Variants in TENM2 observed in about 807,000 individuals in gnomAD.
The protein encoded by TENM2 is teneurin-2.
In TENM2, 52 loss-of-function variants were observed where a neutral mutation model predicts 245.2. That is an observed-to-expected ratio of 0.21 (90% CI 0.17 to 0.27). The LOEUF (loss-of-function observed/expected upper bound fraction) is 0.27. Among genes scored for constraint, TENM2 ranks in the 10% least tolerant of loss-of-function variants. The pLI, the probability that TENM2 is intolerant of heterozygous loss-of-function variation, is 1.00. For synonymous variants in TENM2, 1,363 were observed against 1,438.9 expected (o/e 0.95, Z 1.19); for missense variants, 3,046 against 3,666.8 (o/e 0.83, Z 4.37).
At chr5:167,149,412 C>T in the TENM2 span, among the ~76,000 whole-genome samples, 1 of 151,976 alleles carries the variant, frequency 6.6e-6, no homozygotes, top group African/African-American at 2.4e-5. Flanking sequence ...GAGTGTGCCT[C>T]TACATAATAT....
chr5:167,775,057 C>T (rs2150790093), intron 2 of TENM2, among the ~76,000 whole-genome samples: 1 of 152,260 alleles, frequency 6.6e-6, no homozygotes, highest in East Asian at 1.9e-4. Context: ...GCAACCTCCA[C>T]CTCCCGAGTT....
intron 4 of TENM2, among the ~76,000 whole-genome samples, chr5:167,987,400 T>A (rs1333825662): frequency 1.3e-5 from 2 of 151,778 alleles, no homozygotes; most frequent in African/African-American, 4.8e-5. Flanking sequence ...CGGTCTCAGC[T>A]CACTGCAACC....
the TENM2 span, among the ~76,000 whole-genome samples, chr5:167,048,674 TTACTC>T: frequency 2.6e-5 from 4 of 152,202 alleles, no homozygotes; most frequent in Non-Finnish European, 5.9e-5. Flanking sequence ...CCACATCTCA[TTACTC>T]TACACAATGA....
intron 7 of TENM2, among the ~76,000 whole-genome samples, chr5:168,070,793 A>AAGAAAGAG (rs984424407): frequency 4.5e-5 from 4 of 89,416 alleles, no homozygotes; most frequent in African/African-American, 1.7e-4. Flanking sequence ...GAAAGAAAGA[A>AAGAAAGAG]AGAGAGAGAG....
At chr5:167,715,141 T>C (rs1383231166) in intron 2 of TENM2, among the ~76,000 whole-genome samples, 1 of 151,980 alleles carries the variant, frequency 6.6e-6, no homozygotes, top group Non-Finnish European at 1.5e-5. Flanking sequence ...TAAATTAGTA[T>C]TATGGCTTAT....
intron 5 of TENM2, among the ~76,000 whole-genome samples, chr5:168,011,346 G>T (rs921220856): frequency 6.6e-6 from 1 of 152,076 alleles, no homozygotes; most frequent in Non-Finnish European, 1.5e-5. Context: ...ACATTTATTT[G>T]GCAGTGTCTG....
chr5:167,245,720 C>G, the TENM2 span, among the ~76,000 whole-genome samples: 1 of 152,058 alleles, frequency 6.6e-6, no homozygotes, highest in South Asian at 2.1e-4. Context: ...TATTTCCTGG[C>G]AGGGAAAGTA....
intron 8 of TENM2, 76 bp downstream of exon 10, chr5:168,090,845 A>G (rs944053790): frequency 9.1e-5 from 120 of 1,323,380 alleles, no homozygotes; most frequent in Non-Finnish European, 1.2e-4. Flanking sequence ...CAGAAGACAC[A>G]TCTTCTAAGG....
At chr5:167,151,542 C>T in the TENM2 span, among the ~76,000 whole-genome samples, 10 of 152,124 alleles carry the variant, frequency 6.6e-5, no homozygotes, top group Non-Finnish European at 1.2e-4. Context: ...CTTTTTTAGA[C>T]GGAGTCTTTC....
At chr5:167,725,965 T>A (rs1433654254) in intron 2 of TENM2, among the ~76,000 whole-genome samples, 1 of 152,060 alleles carries the variant, frequency 6.6e-6, no homozygotes, top group African/African-American at 2.4e-5. Flanking sequence ...CCCCCACATG[T>A]CTAGTTATTA....
the TENM2 span, among the ~76,000 whole-genome samples, chr5:167,071,182 A>C: frequency 6.6e-6 from 1 of 152,178 alleles, no homozygotes; most frequent in Non-Finnish European, 1.5e-5. Context: ...AAAAAATTCA[A>C]CCCATTGGTG....
intron 27 of TENM2, among the ~76,000 whole-genome samples, chr5:168,250,104 GTGGATGGATGGATGGATGGA>G (rs57452450): frequency 0.1 from 13,985 of 137,804 alleles, 788 homozygotes; most frequent in South Asian, 0.17. Flanking sequence ...GGCTGGATGA[GTGGATGGATGGATGGATGGA>G]TGGATGGATG....
chr5:167,813,874 C>T (rs1377836544), intron 2 of TENM2, among the ~76,000 whole-genome samples: 1 of 152,132 alleles, frequency 6.6e-6, no homozygotes, highest in East Asian at 1.9e-4. Flanking sequence ...TATTACAATG[C>T]AGGAAGGCAA....
chr5:167,621,658 A>G (rs994667212), intron 2 of TENM2, among the ~76,000 whole-genome samples: 1 of 152,178 alleles, frequency 6.6e-6, no homozygotes, highest in Non-Finnish European at 1.5e-5. Context: ...TGAGCTCAGG[A>G]AGACACTACC....
intron 5 of TENM2, among the ~76,000 whole-genome samples, chr5:168,017,711 C>T (rs1213088291): frequency 1.3e-5 from 2 of 152,194 alleles, no homozygotes; most frequent in African/African-American, 2.4e-5. Context: ...CAATGTGGGT[C>T]ACCTTCCTGA....
At chr5:168,195,551 CGTGTGT>C (rs35040257) in intron 15 of TENM2, among the ~76,000 whole-genome samples, 18,659 of 97,464 alleles carry the variant, frequency 0.19, 1,764 homozygotes, top group Admixed American at 0.26. Context: ...GGTCAATGCA[CGTGTGT>C]GTGTGTGTGT....
intron 7 of TENM2, among the ~76,000 whole-genome samples, chr5:168,064,829 G>A (rs1261496431): frequency 2.6e-5 from 4 of 152,122 alleles, no homozygotes; most frequent in Non-Finnish European, 4.4e-5. Context: ...TTAGAAATTC[G>A]CAAGACAGGT....
chr5:167,348,432 A>G (rs1465108711), intron 1 of TENM2, among the ~76,000 whole-genome samples: 7 of 152,158 alleles, frequency 4.6e-5, no homozygotes, highest in African/African-American at 1.4e-4. Flanking sequence ...CGAGCCGGCA[A>G]TTCTCCAAGG....
chr5:167,419,543 C>T (rs529837629), intron 2 of TENM2, among the ~76,000 whole-genome samples: 10 of 152,132 alleles, frequency 6.6e-5, no homozygotes, highest in South Asian at 2.1e-4. Context: ...CATCTTTTCC[C>T]GTTTCACTTA....
Sources: gnomAD v4.1 joint callset for allele counts (sites outside exome capture counted in the v4.1 genomes callset) on GRCh38, gnomAD v4.1.1 for gene constraint, MANE v1.5 for transcripts, NCBI Gene and HGNC (gene_info 2026-07-23, HGNC 2026-07-21) for gene names.